Variants in MTRFR observed in about 807,000 individuals in gnomAD.
MTRFR encodes the protein mitochondrial translation release factor in rescue.
MTRFR carries 10 observed loss-of-function variants against 11.9 expected under a neutral mutation model. That is an observed-to-expected ratio of 0.84 (90% CI 0.52 to 1.42). The LOEUF is 1.42. Ranked by LOEUF, MTRFR falls within the 40% of genes most tolerant of loss-of-function variation. The pLI is 0.00. For missense variants in MTRFR, 196 were observed against 197.9 expected, an observed-to-expected ratio of 0.99 and a Z score of 0.06; for synonymous variants, 77 against 79.1, an observed-to-expected ratio of 0.97 and a Z score of 0.14.
At chr12:123,245,209 T>G (rs1420499904) in intron 1 of MTRFR, among the ~76,000 whole-genome samples, 1 of 152,148 alleles carries the variant, frequency 6.6e-6, no homozygotes, top group Non-Finnish European at 1.5e-5. Context: ...GTGCTGGGAT[T>G]ACAGGCGTGA....
chr12:123,252,840 A>G (rs2048130313), intron 1 of MTRFR, among the ~76,000 whole-genome samples: 1 of 151,354 alleles, frequency 6.6e-6, no homozygotes, highest in Non-Finnish European at 1.5e-5. Context: ...CAGGAGAATC[A>G]CTTGAACCTG....
At chr12:123,252,176 GT>G (rs1207883351) in intron 1 of MTRFR, 11 of 152,314 alleles carry the variant, frequency 7.2e-5, no homozygotes, top group Admixed American at 7.2e-4. Context: ...GCTCACGCCT[GT>G]AATCCCAGAA....
chr12:123,240,282 G>A (rs936687072), intron 1 of MTRFR, among the ~76,000 whole-genome samples: 1 of 151,722 alleles, frequency 6.6e-6, no homozygotes, highest in African/African-American at 2.4e-5. Context: ...GCTGAGGCAG[G>A]AGAATTGCTA....
intron 1 of MTRFR, chr12:123,244,108 T>C (rs773111859): frequency 2.6e-5 from 4 of 151,936 alleles, no homozygotes; most frequent in African/African-American, 7.3e-5. Context: ...AGAAGCTATT[T>C]AGAGCCTCAT....
intron 1 of MTRFR, among the ~76,000 whole-genome samples, chr12:123,235,799 C>T (rs1280579583): frequency 6.6e-6 from 1 of 151,778 alleles, no homozygotes; most frequent in African/African-American, 2.4e-5. Flanking sequence ...CGTGGTGGCT[C>T]ATGCCTGTAC....
intron 1 of MTRFR, among the ~76,000 whole-genome samples, chr12:123,235,651 C>T (rs939021751): frequency 6.6e-6 from 1 of 151,352 alleles, no homozygotes; most frequent in Non-Finnish European, 1.5e-5. Flanking sequence ...GGATTACAGG[C>T]GTGAGCCACC....
intron 1 of MTRFR, chr12:123,252,399 T>C (rs2048124007): frequency 6.7e-6 from 1 of 149,286 alleles, no homozygotes; most frequent in East Asian, 2.0e-4. Flanking sequence ...GCCACTGCAG[T>C]CCAGCCTGGG....
intron 1 of MTRFR, chr12:123,252,481 A>AGTTGGACCAC (rs2048125556): frequency 6.6e-6 from 1 of 151,950 alleles, no homozygotes; most frequent in Non-Finnish European, 1.5e-5. Context: ...GATGAGTACC[A>AGTTGGACCAC]GTTGGACCAC....
intron 2 of MTRFR, chr12:123,254,338 T>G: frequency 4.4e-6 from 1 of 226,080 alleles, no homozygotes; most frequent in Non-Finnish European, 8.9e-6. Flanking sequence ...CCGTTCCCAC[T>G]GCAGGAAGGC....
intron 2 of MTRFR, chr12:123,254,331 T>G: frequency 8.6e-6 from 2 of 232,716 alleles, no homozygotes; most frequent in Non-Finnish European, 8.6e-6. Flanking sequence ...TTCAAATCCG[T>G]TCCCACTGCA....
chr12:123,238,049 C>T (rs1186923383), intron 1 of MTRFR, among the ~76,000 whole-genome samples: 2 of 152,022 alleles, frequency 1.3e-5, no homozygotes, highest in South Asian at 2.1e-4. Context: ...GTGCACACCA[C>T]CACATCTGGC....
intron 1 of MTRFR, chr12:123,250,044 C>T (rs1473711647): frequency 6.6e-6 from 1 of 152,172 alleles, no homozygotes; most frequent in African/African-American, 2.4e-5. Context: ...TAACACAATC[C>T]CAGACTTCTT....
intron 2 of MTRFR, 50 bp downstream of exon 2, chr12:123,254,006 C>T (rs1320340295): frequency 6.2e-7 from 1 of 1,604,260 alleles, no homozygotes; most frequent in Non-Finnish European, 8.5e-7. Context: ...AAGGGTTCCA[C>T]AGCCTCCAGA....
chr12:123,256,412 C>A (rs988512894), intron 2 of MTRFR, among the ~76,000 whole-genome samples: 2 of 152,240 alleles, frequency 1.3e-5, no homozygotes, highest in African/African-American at 4.8e-5. Flanking sequence ...GGCTGGTCTT[C>A]ACTGTCACTG....
intron 1 of MTRFR, among the ~76,000 whole-genome samples, chr12:123,239,355 T>C (rs1234153425): frequency 6.6e-6 from 1 of 152,220 alleles, no homozygotes; most frequent in Non-Finnish European, 1.5e-5. Flanking sequence ...ATTTCTAATG[T>C]AACTACTAGA....
At chr12:123,252,072 A>G (rs1437052754) in intron 1 of MTRFR, 1 of 152,214 alleles carries the variant, frequency 6.6e-6, no homozygotes, top group Non-Finnish European at 1.5e-5. Flanking sequence ...ACTAACCTGT[A>G]AGCTCCAAGA....
chr12:123,234,363 C>T (rs1292349228), intron 1 of MTRFR, among the ~76,000 whole-genome samples: 1 of 151,382 alleles, frequency 6.6e-6, no homozygotes, highest in East Asian at 1.9e-4. Context: ...CCTAAGTATA[C>T]CTACCAATTT....
intron 1 of MTRFR, chr12:123,249,093 C>A (rs966310920): frequency 4.0e-5 from 6 of 151,676 alleles, no homozygotes; most frequent in African/African-American, 1.5e-4. Context: ...AGACATAGAG[C>A]ACTGATTGGT....
At chr12:123,243,776 G>C (rs960335551) in intron 1 of MTRFR, 10 of 152,216 alleles carry the variant, frequency 6.6e-5, no homozygotes, top group Admixed American at 2.0e-4. Context: ...AAGGTGACCA[G>C]TGTCATCTCA....
Sources: gnomAD v4.1 joint callset for allele counts (sites outside exome capture counted in the v4.1 genomes callset) on GRCh38, gnomAD v4.1.1 for gene constraint, MANE v1.5 for transcripts, NCBI Gene and HGNC (gene_info 2026-07-23, HGNC 2026-07-21) for gene names.